Variants in LY6S observed in about 807,000 individuals in gnomAD.
LY6S encodes lymphocyte antigen 6S.
the LY6S span, chr8:143,043,166 C>G: frequency 7.3e-7 from 1 of 1,367,484 alleles, no homozygotes; most frequent in Non-Finnish European, 9.8e-7. Context: ...TGAGCAGGAG[C>G]TGTACGCACA....
the LY6S span, chr8:143,043,280 G>A: frequency 7.5e-7 from 1 of 1,338,262 alleles, no homozygotes; most frequent in Non-Finnish European, 1.0e-6. Flanking sequence ...TCAGCAGGGG[G>A]AATCCGACGT....
At chr8:143,070,233 G>A in the LY6S span, among the ~76,000 whole-genome samples, 1 of 150,900 alleles carries the variant, frequency 6.6e-6, no homozygotes, top group African/African-American at 2.4e-5. Flanking sequence ...CCATTCTACC[G>A]TAATCACCTC....
At chr8:143,073,813 C>T in the LY6S span, among the ~76,000 whole-genome samples, 751 of 106,266 alleles carry the variant, frequency 7.1e-3, no homozygotes, top group African/African-American at 0.027. Flanking sequence ...TCCCCGGGGT[C>T]CCTGTTTGAG....
chr8:143,060,126 T>C, the LY6S span, among the ~76,000 whole-genome samples: 20 of 152,224 alleles, frequency 1.3e-4, no homozygotes, highest in Non-Finnish European at 5.9e-5. Context: ...AAGACAAGAG[T>C]GCGAGCCTTC....
the LY6S span, among the ~76,000 whole-genome samples, chr8:143,070,481 A>ATTTTT: frequency 3.5e-5 from 3 of 85,420 alleles, no homozygotes; most frequent in African/African-American, 2.2e-4. Context: ...ATATAAATAT[A>ATTTTT]TATATATATT....
chr8:143,054,606 T>A, the LY6S span, among the ~76,000 whole-genome samples: 3 of 152,228 alleles, frequency 2.0e-5, no homozygotes, highest in Admixed American at 2.0e-4. Flanking sequence ...TACGACTCCC[T>A]CCACTCTGGA....
At chr8:143,071,195 A>ATGGAATACAGACTCAGGAGGC in the LY6S span, among the ~76,000 whole-genome samples, 135 of 130,684 alleles carry the variant, frequency 1.0e-3, no homozygotes, top group East Asian at 1.9e-3. Context: ...AAGACCCGGC[A>ATGGAATACAGACTCAGGAGGC]GCATGGATGT....
At chr8:143,040,938 C>T in the LY6S span, among the ~76,000 whole-genome samples, 2 of 152,038 alleles carry the variant, frequency 1.3e-5, no homozygotes, top group African/African-American at 4.8e-5. Context: ...TAGTGATTTT[C>T]AGAAGGGGAG....
At chr8:143,064,539 G>C in the LY6S span, among the ~76,000 whole-genome samples, 1 of 152,132 alleles carries the variant, frequency 6.6e-6, no homozygotes, top group African/African-American at 2.4e-5. Flanking sequence ...CTTGAGCCAA[G>C]GCTACTCCAA....
At chr8:143,072,078 A>T in the LY6S span, among the ~76,000 whole-genome samples, 1 of 151,506 alleles carries the variant, frequency 6.6e-6, no homozygotes, top group Non-Finnish European at 1.5e-5. Context: ...ATCTGAAAAA[A>T]TGCCTTTATT....
chr8:143,054,734 C>G, the LY6S span, among the ~76,000 whole-genome samples: 2 of 152,152 alleles, frequency 1.3e-5, no homozygotes, highest in African/African-American at 4.8e-5. Flanking sequence ...CAACATTGCG[C>G]GAGCCGCCTC....
At chr8:143,046,103 T>C in the LY6S span, among the ~76,000 whole-genome samples, 1 of 152,008 alleles carries the variant, frequency 6.6e-6, no homozygotes, top group Non-Finnish European at 1.5e-5. Context: ...TCCTCTCACC[T>C]TGGCCTCCCA....
At chr8:143,073,730 C>T in the LY6S span, among the ~76,000 whole-genome samples, 1 of 142,316 alleles carries the variant, frequency 7.0e-6, no homozygotes, top group Non-Finnish European at 1.5e-5. Flanking sequence ...AGGAGACAGC[C>T]GTCGTCCTCG....
At chr8:143,050,890 C>T in the LY6S span, among the ~76,000 whole-genome samples, 1 of 152,204 alleles carries the variant, frequency 6.6e-6, no homozygotes, top group African/African-American at 2.4e-5. Context: ...GCGCAAAAAG[C>T]AGAGTGAGTC....
chr8:143,067,605 G>T, the LY6S span, among the ~76,000 whole-genome samples: 31 of 152,318 alleles, frequency 2.0e-4, 4 homozygotes, highest in Admixed American at 1.7e-3. Flanking sequence ...GCGAGGACCC[G>T]CGTCGGCGCT....
At chr8:143,052,476 C>T in the LY6S span, among the ~76,000 whole-genome samples, 1 of 152,172 alleles carries the variant, frequency 6.6e-6, no homozygotes, top group Non-Finnish European at 1.5e-5. Flanking sequence ...AGCGAGGAAC[C>T]CAGGAACCCC....
chr8:143,064,145 G>A, the LY6S span, among the ~76,000 whole-genome samples: 3 of 152,212 alleles, frequency 2.0e-5, no homozygotes, highest in Admixed American at 6.5e-5. Context: ...GTTCACAGTC[G>A]AAGGGGCCAT....
the LY6S span, among the ~76,000 whole-genome samples, chr8:143,061,500 G>A: frequency 6.9e-6 from 1 of 143,886 alleles, no homozygotes; most frequent in East Asian, 2.1e-4. Context: ...AGGTTTGTTT[G>A]TTTGGTTGGT....
chr8:143,052,254 C>G, the LY6S span, among the ~76,000 whole-genome samples: 1 of 152,086 alleles, frequency 6.6e-6, no homozygotes, highest in African/African-American at 2.4e-5. Flanking sequence ...GCACTCCAGC[C>G]TGGGGGACAC....
Sources: allele counts gnomAD v4.1 joint callset (sites outside exome capture counted in the v4.1 genomes callset), GRCh38; gene constraint gnomAD v4.1.1; transcripts MANE v1.5; gene names NCBI Gene and HGNC (gene_info 2026-07-23, HGNC 2026-07-21).